KDM4C: variants seen among roughly 807,000 people sequenced by gnomAD.
KDM4C encodes lysine demethylase 4C, also known as lysine-specific demethylase 4C.
A neutral mutation model predicts 129.3 loss-of-function variants in KDM4C; 81 were observed. That is an observed-to-expected ratio of 0.63 (90% CI 0.52 to 0.75). KDM4C has a LOEUF of 0.75. Among genes scored for constraint, KDM4C ranks in the 30% least tolerant of loss-of-function variants. The pLI is 0.00. For synonymous variants in KDM4C, 573 were observed against 456.1 expected, an observed-to-expected ratio of 1.26 and a Z score of -3.26; for missense variants, 1,457 against 1,304.0, an observed-to-expected ratio of 1.12 and a Z score of -1.81.
chr9:7,097,209 C>G (rs187494847), intron 17 of KDM4C, among the ~76,000 whole-genome samples: 200 of 152,332 alleles, frequency 1.3e-3, no homozygotes, highest in African/African-American at 4.6e-3. Flanking sequence ...GAGGCAGGCC[C>G]TGGGTCCCTG....
chr9:6,984,565 A>C (rs1369763893), intron 10 of KDM4C, among the ~76,000 whole-genome samples, 161 bp downstream of exon 10: 1 of 152,230 alleles, frequency 6.6e-6, no homozygotes, highest in East Asian at 1.9e-4. Flanking sequence ...CCCAGGGAAT[A>C]TTGTAAAAGT....
At chr9:6,721,175 G>T in intron 1 of KDM4C, 1 of 474,780 alleles carries the variant, frequency 2.1e-6, no homozygotes, top group East Asian at 3.5e-5. Context: ...CCAGGCTCAG[G>T]TGATTCTCCC....
At chr9:7,016,567 G>A (rs1048325231) in intron 15 of KDM4C, among the ~76,000 whole-genome samples, 10 of 150,748 alleles carry the variant, frequency 6.6e-5, no homozygotes, top group South Asian at 2.1e-4. Flanking sequence ...CTGGGACTAC[G>A]GGCGCCTGCC....
intron 5 of KDM4C, among the ~76,000 whole-genome samples, chr9:6,862,437 C>T (rs1334288298): frequency 1.3e-5 from 2 of 152,068 alleles, no homozygotes; most frequent in Non-Finnish European, 2.9e-5. Flanking sequence ...ATAAAGTGCA[C>T]TTTTGAAAGC....
intron 1 of KDM4C, among the ~76,000 whole-genome samples, chr9:6,764,737 G>T (rs1405300950): frequency 6.6e-6 from 1 of 152,120 alleles, no homozygotes; most frequent in Non-Finnish European, 1.5e-5. Flanking sequence ...ACTATGGGTG[G>T]ATATTTAAGG....
chr9:6,898,336 T>C (rs1277526183), intron 8 of KDM4C, among the ~76,000 whole-genome samples: 1 of 152,234 alleles, frequency 6.6e-6, no homozygotes, highest in Non-Finnish European at 1.5e-5. Flanking sequence ...TTGGGGACAG[T>C]CATATCTCGT....
intron 19 of KDM4C, among the ~76,000 whole-genome samples, chr9:7,139,268 C>G (rs1264733597): frequency 2.0e-5 from 3 of 152,128 alleles, no homozygotes; most frequent in African/African-American, 7.2e-5. Flanking sequence ...GGACCAGACC[C>G]TGTCTTAAAA....
At chr9:6,974,174 G>T (rs1225437826) in intron 8 of KDM4C, among the ~76,000 whole-genome samples, 1 of 152,152 alleles carries the variant, frequency 6.6e-6, no homozygotes, top group Non-Finnish European at 1.5e-5. Context: ...GATTCAAGTG[G>T]ATGACTTACT....
chr9:7,119,053 T>C (rs751443889), intron 18 of KDM4C, among the ~76,000 whole-genome samples: 2 of 152,178 alleles, frequency 1.3e-5, no homozygotes, highest in Non-Finnish European at 2.9e-5. Flanking sequence ...GAAATGATAT[T>C]TAAGAATGCA....
chr9:7,117,626 T>TACATACACACAC (rs1839045418), intron 18 of KDM4C, among the ~76,000 whole-genome samples: 1 of 146,916 alleles, frequency 6.8e-6, no homozygotes, highest in African/African-American at 2.5e-5. Flanking sequence ...TGTTAATTTC[T>TACATACACACAC]ACACACACAC....
At chr9:6,889,897 C>T (rs973663765) in intron 7 of KDM4C, among the ~76,000 whole-genome samples, 4 of 152,198 alleles carry the variant, frequency 2.6e-5, no homozygotes, top group African/African-American at 4.8e-5. Context: ...GCCTGGCACC[C>T]TCTTTCTAGG....
chr9:6,901,989 C>A (rs1243966216), intron 8 of KDM4C, among the ~76,000 whole-genome samples: 1 of 152,130 alleles, frequency 6.6e-6, no homozygotes, highest in Non-Finnish European at 1.5e-5. Context: ...CAAACATTTG[C>A]ATTTCTGAAA....
intron 5 of KDM4C, among the ~76,000 whole-genome samples, chr9:6,854,309 A>G (rs1220359754): frequency 6.6e-6 from 1 of 152,012 alleles, no homozygotes; most frequent in African/African-American, 2.4e-5. Flanking sequence ...CGGGCGGATC[A>G]CCTGAGGTCA....
intron 8 of KDM4C, among the ~76,000 whole-genome samples, chr9:6,898,105 G>C (rs939666998): frequency 1.3e-5 from 2 of 152,076 alleles, no homozygotes; most frequent in African/African-American, 2.4e-5. Flanking sequence ...TTGATGTTAG[G>C]TTTGATGGAT....
At chr9:7,027,210 G>A (rs770128638) in intron 15 of KDM4C, among the ~76,000 whole-genome samples, 3 of 152,130 alleles carry the variant, frequency 2.0e-5, no homozygotes, top group Non-Finnish European at 4.4e-5. Flanking sequence ...AGCCTAGGCT[G>A]GTTTTTACCC....
At chr9:6,925,535 G>C in intron 8 of KDM4C, 2 of 927,928 alleles carry the variant, frequency 2.2e-6, no homozygotes, top group Non-Finnish European at 2.6e-6. Flanking sequence ...GCATCAAGCA[G>C]TCCTCCCACC....
intron 6 of KDM4C, among the ~76,000 whole-genome samples, chr9:6,883,634 A>G (rs781726686): frequency 2.6e-5 from 4 of 152,214 alleles, no homozygotes; most frequent in Non-Finnish European, 4.4e-5. Flanking sequence ...TGAGTGAAAG[A>G]CTTTTAGTTC....
intron 8 of KDM4C, among the ~76,000 whole-genome samples, chr9:6,970,799 CGCCCCTA>C (rs1831842573): frequency 7.1e-6 from 1 of 140,458 alleles, no homozygotes; most frequent in Admixed American, 7.1e-5. Context: ...TCCCACCCCC[CGCCCCTA>C]ACCCCCACCC....
chr9:6,893,425 CT>C, intron 8 of KDM4C, 193 bp downstream of exon 8: 1 of 425,180 alleles, frequency 2.4e-6, no homozygotes, highest in Non-Finnish European at 4.1e-6. Context: ...CTGAATTTGT[CT>C]GTTTTGAGAT....
Sources: allele counts gnomAD v4.1 joint callset (sites outside exome capture counted in the v4.1 genomes callset), GRCh38; gene constraint gnomAD v4.1.1; transcripts MANE v1.5; gene names NCBI Gene and HGNC (gene_info 2026-07-23, HGNC 2026-07-21).